Variants in ARHGAP6 observed in about 807,000 individuals in gnomAD.
ARHGAP6 encodes the protein Rho GTPase activating protein 6.
In ARHGAP6, 16 loss-of-function variants were observed where a neutral mutation model predicts 55.7. That is an observed-to-expected ratio of 0.29 (90% CI 0.19 to 0.44). The LOEUF (loss-of-function observed/expected upper bound fraction) is 0.44, where lower values mean the gene tolerates loss of function less well. Ranked by LOEUF, ARHGAP6 falls within the 20% of genes least tolerant of loss-of-function variation. The pLI is 1.00. For synonymous variants in ARHGAP6, 382 were observed against 360.9 expected (o/e 1.06, Z -0.66); for missense variants, 698 against 808.9 (o/e 0.86, Z 1.66).
intron 1 of ARHGAP6, among the ~76,000 whole-genome samples, chrX:11,391,028 G>A (rs1330242421): frequency 3.6e-5 from 4 of 111,683 alleles, no homozygotes; most frequent in Middle Eastern, 4.6e-3. Context: ...TGTTTATTGT[G>A]GCACTATTCA....
chrX:11,175,851 C>G (rs2046205301), intron 8 of ARHGAP6, among the ~76,000 whole-genome samples: 1 of 101,554 alleles, frequency 9.8e-6, no homozygotes, highest in South Asian at 4.5e-4. Context: ...TGACCTAGAC[C>G]CCAGTACATT....
intron 1 of ARHGAP6, among the ~76,000 whole-genome samples, chrX:11,635,246 C>A (rs1361057975): frequency 8.9e-6 from 1 of 111,750 alleles, no homozygotes; most frequent in African/African-American, 3.2e-5. Context: ...GCTGTGAATG[C>A]CAGAAGGCAA....
chrX:11,617,038 T>C (rs138370513), intron 1 of ARHGAP6, among the ~76,000 whole-genome samples: 3 of 112,178 alleles, frequency 2.7e-5, no homozygotes, highest in East Asian at 5.6e-4. Context: ...TTTCCAAAGT[T>C]AGAGCCATGA....
At chrX:11,475,974 G>T (rs976993618) in intron 1 of ARHGAP6, among the ~76,000 whole-genome samples, 1 of 111,282 alleles carries the variant, frequency 9.0e-6, no homozygotes, top group Non-Finnish European at 1.9e-5. Flanking sequence ...ATGAAAAGGT[G>T]CTCAGCAAGG....
chrX:11,592,600 T>C (rs148002466), intron 1 of ARHGAP6, among the ~76,000 whole-genome samples: 1,523 of 111,462 alleles, frequency 0.014, 29 homozygotes, highest in African/African-American at 0.047. Flanking sequence ...TATAGTATTA[T>C]AGTTATTAGT....
intron 1 of ARHGAP6, among the ~76,000 whole-genome samples, chrX:11,379,876 G>C (rs2049242750): frequency 9.0e-6 from 1 of 110,631 alleles, no homozygotes; most frequent in South Asian, 3.9e-4. Flanking sequence ...GAATCTATGA[G>C]GTGGGATGGA....
chrX:11,213,266 G>A lies in ARHGAP6; in HGVS notation c.749-16270C>T, dbSNP rs1018721720. ...CCCATGCCCTGTGTGCTTCCAACACGCCCAGCTGCATCCTTTTTATCAATG... is the reference window on the plus strand; with the variant it reads ...CCCATGCCCTGTGTGCTTCCAACACACCCAGCTGCATCCTTTTTATCAATG... On this transcript the variant is annotated intron_variant, in intron 2 of 12. Coordinates refer to ENST00000337414, the MANE Select transcript of ARHGAP6 (RefSeq NM_013427.3). Among the ~76,000 whole-genome samples, 9 of 112,647 alleles carry A rather than the reference G, an allele frequency of 8.0e-5. No homozygotes were observed. In the Admixed American group the frequency reaches 8.4e-4, roughly 11 times the overall value.
intron 1 of ARHGAP6, among the ~76,000 whole-genome samples, chrX:11,456,994 A>G (rs760484226): frequency 4.5e-5 from 5 of 111,798 alleles, no homozygotes; most frequent in South Asian, 3.8e-4. Context: ...CATGCAGGAC[A>G]TAACAGAGAT....
At chrX:11,354,290 TCTCTTTC>T (rs2048899685) in intron 1 of ARHGAP6, among the ~76,000 whole-genome samples, 1 of 72,390 alleles carries the variant, frequency 1.4e-5, no homozygotes, top group Non-Finnish European at 2.5e-5. Flanking sequence ...TCTCTCTCTC[TCTCTTTC>T]TCTCTCTCTC....
At chrX:11,294,242 G>GTAGA (rs34506169) in intron 1 of ARHGAP6, among the ~76,000 whole-genome samples, 3,394 of 112,143 alleles carry the variant, frequency 0.03, 51 homozygotes, top group Middle Eastern at 0.073. Flanking sequence ...CTGAAGTTCT[G>GTAGA]TAGATAGGAA....
chrX:11,328,065 T>C (rs539940659), intron 1 of ARHGAP6, among the ~76,000 whole-genome samples: 31 of 112,651 alleles, frequency 2.8e-4, no homozygotes, highest in Middle Eastern at 9.2e-3. Flanking sequence ...TATTCAGTGA[T>C]AGTTCATATT....
At chrX:11,402,124 T>C (rs1327055625) in intron 1 of ARHGAP6, among the ~76,000 whole-genome samples, 3 of 111,902 alleles carry the variant, frequency 2.7e-5, no homozygotes, top group Admixed American at 1.9e-4. Flanking sequence ...AATTAGTAGA[T>C]ACAAGAGTTG....
In ARHGAP6 at chrX:11,572,338, C is replaced by A. The variant is rs1015989629; in HGVS notation, c.588+91903G>T. Among the ~76,000 whole-genome samples, 103 of 109,470 alleles carry A rather than the reference C, an allele frequency of 9.4e-4. 1 individual carries two copies. The highest frequency in any genetic ancestry group is 9.7e-4 in the Non-Finnish European group (51 of 52,411). ...TATCTCCTAATGCTATCCCTCCCCC[C>A]TCCTCCCACCCCACAACAGTCATCA... On this transcript the variant is annotated intron_variant, in intron 1 of 12. Coordinates refer to ENST00000337414, the MANE Select transcript of ARHGAP6 (RefSeq NM_013427.3).
intron 5 of ARHGAP6, among the ~76,000 whole-genome samples, chrX:11,183,432 G>C (rs185271387): frequency 1.8e-5 from 2 of 111,750 alleles, no homozygotes; most frequent in East Asian, 5.6e-4. Flanking sequence ...TGAAAATATA[G>C]TGTCAGTGCT....
chrX:11,644,897 T>C, intron 1 of ARHGAP6, among the ~76,000 whole-genome samples: 1 of 111,965 alleles, frequency 8.9e-6, no homozygotes, highest in African/African-American at 3.2e-5. Flanking sequence ...AATAAACATT[T>C]ATAGCCATAC....
chrX:11,640,472 G>A (rs1228870929), intron 1 of ARHGAP6, among the ~76,000 whole-genome samples: 2 of 112,200 alleles, frequency 1.8e-5, no homozygotes, highest in Non-Finnish European at 3.8e-5. Flanking sequence ...GTCTGATGAA[G>A]AACAGTGCTG....
intron 1 of ARHGAP6, among the ~76,000 whole-genome samples, chrX:11,352,477 G>A (rs926245531): frequency 1.8e-5 from 2 of 111,852 alleles, no homozygotes; most frequent in African/African-American, 6.5e-5. Context: ...AGAAACCACT[G>A]AGGACCAAAT....
At chrX:11,377,445 C>A (rs2049214115) in intron 1 of ARHGAP6, among the ~76,000 whole-genome samples, 2 of 111,526 alleles carry the variant, frequency 1.8e-5, no homozygotes, top group African/African-American at 6.5e-5. Context: ...ATGGAGTTTC[C>A]TTTGGAGTGA....
intron 2 of ARHGAP6, among the ~76,000 whole-genome samples, chrX:11,211,062 T>G (rs762826769): frequency 8.9e-6 from 1 of 111,824 alleles, no homozygotes; most frequent in East Asian, 2.8e-4. Flanking sequence ...TGGAAGTCAT[T>G]TATTATTCAG....
Sources: gnomAD v4.1 joint callset for allele counts (sites outside exome capture counted in the v4.1 genomes callset) on GRCh38, gnomAD v4.1.1 for gene constraint, MANE v1.5 for transcripts, NCBI Gene and HGNC (gene_info 2026-07-23, HGNC 2026-07-21) for gene names.